CTNNAL1: variants seen among roughly 807,000 people sequenced by gnomAD.
CTNNAL1 encodes alpha-catulin.
Under a neutral mutation model 93.6 loss-of-function variants are expected in CTNNAL1, and 69 were observed. That is an observed-to-expected ratio of 0.74 (90% CI 0.61 to 0.90). The LOEUF (loss-of-function observed/expected upper bound fraction) is 0.90, where lower values mean the gene tolerates loss of function less well. Among genes scored for constraint, CTNNAL1 ranks in the 40% least tolerant of loss-of-function variants. CTNNAL1 has a pLI of 0.00. For missense variants in CTNNAL1, 836 were observed against 862.0 expected (o/e 0.97, Z 0.38); for synonymous variants, 286 against 305.4 (o/e 0.94, Z 0.66).
At chr9:108,969,948 G>C (rs1473199653) in intron 10 of CTNNAL1, among the ~76,000 whole-genome samples, 1 of 152,144 alleles carries the variant, frequency 6.6e-6, no homozygotes, top group Non-Finnish European at 1.5e-5. Context: ...CTGGGTTACA[G>C]GTGTTAGCCA....
At chr9:109,011,804 T>A (rs1827210370) in intron 1 of CTNNAL1, among the ~76,000 whole-genome samples, 1 of 152,240 alleles carries the variant, frequency 6.6e-6, no homozygotes, top group Non-Finnish European at 1.5e-5. Context: ...CACATGATTG[T>A]TATGAGAATT....
intron 1 of CTNNAL1, among the ~76,000 whole-genome samples, chr9:109,005,927 C>G (rs1241993722): frequency 1.3e-5 from 2 of 152,136 alleles, no homozygotes; most frequent in Non-Finnish European, 2.9e-5. Flanking sequence ...ATGTTCAATC[C>G]AAATATAGTA....
rs565854202 is a variant in CTNNAL1 at position 108,991,971 on chromosome 9, G to A, written c.519+661C>T. The A allele has an allele frequency of 1.7e-5, 12 of 703,714 alleles. No homozygotes were observed. The South Asian group carries it at 1.8e-4, about 11-fold the overall frequency. 43.6% of individuals were successfully genotyped at this position (703,714 alleles called of 1,614,324 possible). ...GTTCTGTAAGTTTTGAGATTATTCA[G>A]TAACATTTAGGGACTCTGAGTACAG... On this transcript the variant is annotated intron_variant, in intron 3 of 18. Transcript: ENST00000325551.
intron 3 of CTNNAL1, among the ~76,000 whole-genome samples, 186 bp from the exon 4 acceptor site, chr9:108,991,031 T>C (rs1831780518): frequency 6.6e-6 from 1 of 152,120 alleles, no homozygotes; most frequent in Non-Finnish European, 1.5e-5. Flanking sequence ...CACAGAATTA[T>C]TAGGGGAATG....
intron 12 of CTNNAL1, 128 bp from the exon 13 acceptor site, chr9:108,952,622 TGA>T: frequency 8.3e-7 from 1 of 1,202,124 alleles, no homozygotes; most frequent in Non-Finnish European, 1.1e-6. Flanking sequence ...ATGTAATGAC[TGA>T]ATATTTTACC....
At chr9:108,971,381 C>T (rs1029052898) in intron 9 of CTNNAL1, among the ~76,000 whole-genome samples, 9 of 152,276 alleles carry the variant, frequency 5.9e-5, no homozygotes, top group East Asian at 1.9e-4. Context: ...ACATGGGTTC[C>T]GTTTTTTGTT....
At chr9:108,983,904 C>A (rs1367548393) in intron 5 of CTNNAL1, among the ~76,000 whole-genome samples, 1 of 152,190 alleles carries the variant, frequency 6.6e-6, no homozygotes, top group Non-Finnish European at 1.5e-5. Flanking sequence ...TGGAAATACT[C>A]TTGATTGATA....
intron 8 of CTNNAL1, 30 bp from the exon 9 acceptor site, chr9:108,972,863 G>GCGCCCCCCCCC: frequency 4.3e-6 from 1 of 231,684 alleles, no homozygotes; most frequent in Non-Finnish European, 7.1e-6. Context: ...TGGGGGGGTG[G>GCGCCCCCCCCC]GAGGGTGGAG....
rs1035334648 is a variant in CTNNAL1, at chr9:108,983,374, A to G, written c.730-59T>C. ...TTGATTTATGTCATAATGCACAAAA[A>G]TCTTACAGAGAACATGTCATGCTAA... On this transcript the variant is annotated intron_variant, in intron 5 of 18. Transcript: ENST00000325551. The G allele has an allele frequency of 5.2e-6, 7 of 1,339,870 alleles. No homozygotes were observed. The African/African-American group carries it at 1.1e-4, about 20-fold the overall frequency. The allele number at this position is 1,339,870 out of a possible 1,614,324, so 83.0% of individuals were successfully genotyped here.
At chr9:108,966,625 C>G (rs1366686429) in intron 10 of CTNNAL1, among the ~76,000 whole-genome samples, 1 of 152,136 alleles carries the variant, frequency 6.6e-6, no homozygotes, top group African/African-American at 2.4e-5. Flanking sequence ...AAAGACATAC[C>G]ATTAATCAGG....
At chr9:108,987,137 T>C (rs899869959) in intron 4 of CTNNAL1, among the ~76,000 whole-genome samples, 9 of 152,170 alleles carry the variant, frequency 5.9e-5, no homozygotes, top group African/African-American at 1.9e-4. Flanking sequence ...GCCTAGGTTT[T>C]CTTCTAGGGT....
intron 7 of CTNNAL1, 129 bp downstream of exon 7, chr9:108,979,152 G>A (rs1298462335): frequency 8.6e-7 from 1 of 1,164,116 alleles, no homozygotes; most frequent in African/African-American, 1.6e-5. Flanking sequence ...GGGAAAGAAG[G>A]GATGAGATAT....
intron 8 of CTNNAL1, 31 bp from the exon 9 acceptor site, chr9:108,972,864 G>GGGGGGGCCCCCCCCCCCCCCC: frequency 2.8e-5 from 4 of 142,558 alleles, no homozygotes; most frequent in Non-Finnish European, 3.0e-5. Context: ...GGGGGGGTGG[G>GGGGGGGCCCCCCCCCCCCCCC]AGGGTGGAGA....
At chr9:108,986,564 A>G (rs1156721659) in intron 4 of CTNNAL1, among the ~76,000 whole-genome samples, 1 of 151,830 alleles carries the variant, frequency 6.6e-6, no homozygotes, top group East Asian at 1.9e-4. Context: ...GGCTGGGTCA[A>G]ATGGTATTTC....
chr9:109,010,168 T>A (rs1411291205), intron 1 of CTNNAL1, among the ~76,000 whole-genome samples: 1 of 151,950 alleles, frequency 6.6e-6, no homozygotes, highest in Non-Finnish European at 1.5e-5. Context: ...GAGACTAGAG[T>A]AGCTGGGATT....
rs375365567 is a variant in CTNNAL1 at position 108,993,202 on chromosome 9, C to T, written c.332-383G>A. On this transcript the variant is annotated intron_variant, in intron 2 of 18. Transcript: ENST00000325551. The stretch of plus-strand genomic sequence containing the variant: ...CAGTAAGCAGGTGCCAAGGCTTGGG[C>T]TGGGGCGAGGCCGGGGAGAAGTCAG... Among the ~76,000 whole-genome samples the T allele has an allele frequency of 7.9e-5, 12 of 152,270 alleles. No individual in the cohort carries two copies. In the East Asian group the frequency reaches 1.7e-3, roughly 22 times the overall value.
In CTNNAL1 at chr9:108,970,445, G is replaced by T; in HGVS notation, c.1397C>A (p.Thr466Asn). 6.2e-7 allele frequency: 1 copy of T among 1,612,686 alleles called. No individual in the cohort carries two copies. The highest frequency in any genetic ancestry group is 8.5e-7 in the Non-Finnish European group (1 of 1,179,434). ...HISGTEPLEITCIHAEETFQV... is the reference protein window; with the variant it reads ...HISGTEPLEINCIHAEETFQV... The stretch of plus-strand genomic sequence containing the variant: ...AAATGTCTCCTCTGCATGTATACAG[G>T]TTATTTCCAGAGGTTCTGTCCCAGA... The change falls in exon 10 of 19, where the codon ACC becomes AAC. Residue 466 changes from threonine (T) to asparagine (N), a missense_variant. Physicochemically the swap from Thr to Asn is moderately conservative, Grantham distance 65. Transcript: ENST00000325551.
intron 9 of CTNNAL1, among the ~76,000 whole-genome samples, chr9:108,971,942 CT>C (rs1831127027): frequency 6.6e-6 from 1 of 152,180 alleles, no homozygotes; most frequent in Admixed American, 6.5e-5. Context: ...GCTCTCCTCC[CT>C]TCTCACATCT....
intron 8 of CTNNAL1, among the ~76,000 whole-genome samples, chr9:108,974,038 C>T (rs964498426): frequency 2.6e-5 from 4 of 152,224 alleles, no homozygotes; most frequent in African/African-American, 2.4e-5. Flanking sequence ...TTACAGACTA[C>T]GAAACAGCTC....
Sources: allele counts gnomAD v4.1 joint callset (sites outside exome capture counted in the v4.1 genomes callset), GRCh38; gene constraint gnomAD v4.1.1; transcripts MANE v1.5; gene names NCBI Gene and HGNC (gene_info 2026-07-23, HGNC 2026-07-21).